UNC5C: variants seen among roughly 807,000 people sequenced by gnomAD.
The protein encoded by UNC5C is unc-5 netrin receptor C.
UNC5C carries 47 observed loss-of-function variants against 99.8 expected under a neutral mutation model. The ratio of observed to expected loss-of-function variants is 0.47; its 90% confidence interval spans 0.37 to 0.60. UNC5C has a LOEUF of 0.60. UNC5C is among the 20% of genes least tolerant of loss of function. UNC5C has a pLI of 0.00. For synonymous variants in UNC5C, 487 were observed against 452.2 expected, an observed-to-expected ratio of 1.08 and a Z score of -0.98; for missense variants, 1,062 against 1,165.9, an observed-to-expected ratio of 0.91 and a Z score of 1.30.
intron 1 of UNC5C, among the ~76,000 whole-genome samples, chr4:95,365,654 GATCTTT>G (rs1299040491): frequency 6.6e-6 from 1 of 151,900 alleles, no homozygotes; most frequent in African/African-American, 2.4e-5. Flanking sequence ...AGTGCCAATT[GATCTTT>G]ATCTTTTCAA....
At chr4:95,184,995 A>G in intron 13 of UNC5C, 52 bp downstream of exon 13, 1 of 1,504,558 alleles carries the variant, frequency 6.6e-7, no homozygotes. Context: ...ATAATTTTAG[A>G]CCTCTTTCTT....
chr4:95,427,892 T>C (rs1220751270), intron 1 of UNC5C, among the ~76,000 whole-genome samples: 5 of 152,182 alleles, frequency 3.3e-5, no homozygotes, highest in African/African-American at 4.8e-5. Context: ...CTGTTATTTA[T>C]TCTTATGTGT....
At chr4:95,528,291 T>C (rs1022799257) in intron 1 of UNC5C, among the ~76,000 whole-genome samples, 1 of 152,174 alleles carries the variant, frequency 6.6e-6, no homozygotes, top group African/African-American at 2.4e-5. Flanking sequence ...TAAAACTGAC[T>C]TTGAAGTAGT....
chr4:95,541,555 G>A (rs1401473908), intron 1 of UNC5C, among the ~76,000 whole-genome samples: 1 of 152,080 alleles, frequency 6.6e-6, no homozygotes, highest in Admixed American at 6.6e-5. Flanking sequence ...TTATCTAAGA[G>A]AATGTATTTT....
At chr4:95,277,109 T>C (rs1214885357) in intron 4 of UNC5C, among the ~76,000 whole-genome samples, 1 of 150,446 alleles carries the variant, frequency 6.6e-6, no homozygotes, top group Non-Finnish European at 1.5e-5. Flanking sequence ...AGTAAGTACA[T>C]TATTAATTAT....
intron 1 of UNC5C, among the ~76,000 whole-genome samples, chr4:95,361,151 A>G (rs936144213): frequency 6.6e-6 from 1 of 152,200 alleles, no homozygotes; most frequent in Non-Finnish European, 1.5e-5. Flanking sequence ...TTTCGGAAAC[A>G]ATATAAATTC....
At chr4:95,380,721 C>T (rs1337225023) in intron 1 of UNC5C, among the ~76,000 whole-genome samples, 1 of 152,092 alleles carries the variant, frequency 6.6e-6, no homozygotes, top group Non-Finnish European at 1.5e-5. Flanking sequence ...CAAACAATCC[C>T]CTTTTGCAAA....
intron 1 of UNC5C, among the ~76,000 whole-genome samples, chr4:95,430,626 G>A (rs988496408): frequency 1.3e-5 from 2 of 152,126 alleles, no homozygotes; most frequent in African/African-American, 4.8e-5. Context: ...AATGAAGTAA[G>A]CTGTTTGAAT....
At chr4:95,500,335 G>A (rs1374551121) in intron 1 of UNC5C, among the ~76,000 whole-genome samples, 1 of 151,976 alleles carries the variant, frequency 6.6e-6, no homozygotes, top group African/African-American at 2.4e-5. Flanking sequence ...TAAATTCCAT[G>A]AGAACAGGGA....
intron 1 of UNC5C, among the ~76,000 whole-genome samples, 177 bp downstream of exon 1, chr4:95,548,556 TA>T (rs1723139126): frequency 2.6e-5 from 4 of 151,498 alleles, no homozygotes; most frequent in Admixed American, 6.6e-5. Flanking sequence ...ATAATAATAA[TA>T]ATTATTATTA....
chr4:95,444,420 C>T (rs1056911352), intron 1 of UNC5C, among the ~76,000 whole-genome samples: 1 of 151,986 alleles, frequency 6.6e-6, no homozygotes, highest in Non-Finnish European at 1.5e-5. Flanking sequence ...AGGATCCGCC[C>T]CCCTGGCTTC....
chr4:95,247,126 T>C (rs1172794302), intron 5 of UNC5C, among the ~76,000 whole-genome samples: 2 of 152,272 alleles, frequency 1.3e-5, no homozygotes, highest in African/African-American at 4.8e-5. Flanking sequence ...GGCAGAATTA[T>C]AGGTATAGGT....
intron 1 of UNC5C, among the ~76,000 whole-genome samples, chr4:95,534,141 T>C (rs2149493734): frequency 6.6e-6 from 1 of 152,262 alleles, no homozygotes; most frequent in African/African-American, 2.4e-5. Context: ...GCTAAAAAAA[T>C]AAAAGAGTGT....
intron 3 of UNC5C, among the ~76,000 whole-genome samples, chr4:95,298,768 T>C (rs1020015246): frequency 4.6e-5 from 7 of 152,144 alleles, no homozygotes; most frequent in African/African-American, 1.7e-4. Context: ...ATGTTTTGTT[T>C]CTAGTACCAA....
intron 2 of UNC5C, among the ~76,000 whole-genome samples, chr4:95,318,209 T>C (rs879659677): frequency 3.9e-5 from 6 of 151,954 alleles, no homozygotes; most frequent in Non-Finnish European, 8.8e-5. Flanking sequence ...ACAAGAGTCC[T>C]TGGAAGAGAC....
intron 3 of UNC5C, among the ~76,000 whole-genome samples, chr4:95,287,178 A>T (rs140387462): frequency 6.6e-6 from 1 of 152,346 alleles, no homozygotes; most frequent in African/African-American, 2.4e-5. Context: ...GTAGGATTGC[A>T]TACATAACAT....
At chr4:95,442,720 T>C (rs1387278651) in intron 1 of UNC5C, among the ~76,000 whole-genome samples, 2 of 152,138 alleles carry the variant, frequency 1.3e-5, no homozygotes, top group African/African-American at 2.4e-5. Context: ...CAATCACAAA[T>C]GTAGCCTAAT....
In UNC5C at chr4:95,253,609, C is replaced by T. The variant is rs79925278; in HGVS notation, c.595-2942G>A. Among the ~76,000 whole-genome samples the T allele has an allele frequency of 9.1e-3, 1,390 of 152,204 alleles. 13 individuals are homozygous for T. The highest frequency in any genetic ancestry group is 0.031 in the African/African-American group (1,295 of 41,524). On this transcript the variant is annotated intron_variant, in intron 4 of 15. Transcript: ENST00000453304. Reference sequence around the variant, plus strand: ...AGAAACTCTGCTTTTATCTGTTTTCCATACTGGATTTGCTTTCACGCCTTT... The same window carrying T: ...AGAAACTCTGCTTTTATCTGTTTTCTATACTGGATTTGCTTTCACGCCTTT...
chr4:95,532,826 G>A (rs1372568966), intron 1 of UNC5C, among the ~76,000 whole-genome samples: 1 of 151,464 alleles, frequency 6.6e-6, no homozygotes, highest in Non-Finnish European at 1.5e-5. Context: ...ACAGGGAATA[G>A]AGTCAGAGGG....
Sources: allele counts gnomAD v4.1 joint callset (sites outside exome capture counted in the v4.1 genomes callset), GRCh38; gene constraint gnomAD v4.1.1; transcripts MANE v1.5; gene names NCBI Gene and HGNC (gene_info 2026-07-23, HGNC 2026-07-21).